The following DOCK5 variants were observed in gnomAD, a reference collection of about 807,000 sequenced individuals.
The protein encoded by DOCK5 is dedicator of cytokinesis 5.
In DOCK5, 142 loss-of-function variants were observed where a neutral mutation model predicts 251.8. That is an observed-to-expected ratio of 0.56 (90% CI 0.49 to 0.65). The LOEUF (loss-of-function observed/expected upper bound fraction) is 0.65. DOCK5 is among the 30% of genes least tolerant of loss of function. The pLI, the probability that DOCK5 is intolerant of heterozygous loss-of-function variation, is 0.00. For synonymous variants in DOCK5, 842 were observed against 835.5 expected, an observed-to-expected ratio of 1.01 and a Z score of -0.13; for missense variants, 2,111 against 2,312.3, an observed-to-expected ratio of 0.91 and a Z score of 1.79.
intron 22 of DOCK5, among the ~76,000 whole-genome samples, chr8:25,338,581 A>G (rs948719435): frequency 6.6e-6 from 1 of 152,184 alleles, no homozygotes; most frequent in Non-Finnish European, 1.5e-5. Flanking sequence ...GGAAGTGGGC[A>G]GTGTTTTCCC....
chr8:25,270,663 C>T, intron 3 of DOCK5: 1 of 419,598 alleles, frequency 2.4e-6, no homozygotes, highest in Non-Finnish European at 4.3e-6. Context: ...TTACGTTCAA[C>T]CAAGGTCCTA....
intron 9 of DOCK5, 83 bp from the exon 10 acceptor site, chr8:25,302,242 G>T: frequency 6.8e-6 from 10 of 1,468,590 alleles, no homozygotes; most frequent in Admixed American, 2.5e-5. Context: ...ACAGGATTTT[G>T]TTGTAGAGGG....
At chr8:25,373,729 A>C in intron 36 of DOCK5, 71 bp downstream of exon 36, 1 of 1,431,290 alleles carries the variant, frequency 7.0e-7, no homozygotes, top group Non-Finnish European at 9.6e-7. Context: ...TCAGTAAACA[A>C]ATACTTTCCC....
intron 2 of DOCK5, among the ~76,000 whole-genome samples, chr8:25,258,930 C>A (rs904737335): frequency 6.6e-6 from 1 of 152,054 alleles, no homozygotes; most frequent in Non-Finnish European, 1.5e-5. Flanking sequence ...ACCAGCCTGG[C>A]CAATATGGTG....
intron 36 of DOCK5, among the ~76,000 whole-genome samples, chr8:25,374,002 C>T (rs988757845): frequency 3.9e-5 from 6 of 152,150 alleles, no homozygotes; most frequent in Admixed American, 2.0e-4. Flanking sequence ...CAAACTTGTA[C>T]GTAACCAACG....
intron 18 of DOCK5, among the ~76,000 whole-genome samples, chr8:25,328,959 T>C (rs753411164): frequency 1.9e-4 from 29 of 152,204 alleles, no homozygotes; most frequent in Admixed American, 9.8e-4. Flanking sequence ...AGCTCCTAAG[T>C]CGTGGACTTG....
chr8:25,375,302 A>G (rs1268928927), intron 37 of DOCK5: 2 of 156,952 alleles, frequency 1.3e-5, no homozygotes, highest in African/African-American at 2.4e-5. Context: ...AGTCATCTTC[A>G]ATTTCTCTCT....
chr8:25,214,763 C>T (rs1405835381), intron 1 of DOCK5, among the ~76,000 whole-genome samples: 4 of 152,118 alleles, frequency 2.6e-5, no homozygotes, highest in African/African-American at 9.7e-5. Flanking sequence ...TTTATCATTG[C>T]GAAAGGGGAC....
At chr8:25,247,414 T>C (rs1171832733) in intron 2 of DOCK5, among the ~76,000 whole-genome samples, 1 of 151,414 alleles carries the variant, frequency 6.6e-6, no homozygotes, top group Admixed American at 6.6e-5. Context: ...CTGGGCAACA[T>C]AGTGAGACCT....
chr8:25,325,423 G>A lies in DOCK5; in HGVS notation c.1779G>A (p.Met593Ile), dbSNP rs916065181. The A allele has an allele frequency of 9.3e-6, 15 of 1,613,838 alleles. No homozygotes were observed. Among genetic ancestry groups the A allele is most frequent in the Non-Finnish European group, 1.3e-5 (15 of 1,179,866 alleles). ...ACCTGACCCTGCCTGGAACCAAGAT[G>A]GAGATGGAAGAAAAAGAGCTTCAAG... ...KFYLTLPGTK[M>I]EMEEKELQAS... is the part of the protein sequence containing the mutation. Residue 593 changes from methionine to isoleucine, a missense_variant, in exon 18 of 52, where the codon ATG (methionine) becomes ATA (isoleucine). Met to Ile is a conservative substitution (Grantham distance 10). Around this residue, in one of 3 missense-constraint regions of DOCK5, gnomAD observed 1,717 missense variants for 1,892.4 expected, o/e 0.91. Coordinates refer to ENST00000276440, the MANE Select transcript of DOCK5 (RefSeq NM_024940.8).
chr8:25,406,324 A>G (rs1197616248), intron 48 of DOCK5, among the ~76,000 whole-genome samples: 1 of 152,200 alleles, frequency 6.6e-6, no homozygotes, highest in Non-Finnish European at 1.5e-5. Context: ...GCTTAATTTA[A>G]TATAGGTGAT....
rs146984524 is a variant in DOCK5, at chr8:25,336,472, A to G, written c.2327+99A>G. On this transcript the variant is annotated intron_variant, in intron 22 of 51. Transcript: ENST00000276440. The stretch of plus-strand genomic sequence containing the variant: ...GTGGTGTTCAGCTCTGTGAGCAGTT[A>G]GTTCTTAGAATTGCCTTATTTCAGA... 3 of 1,434,814 alleles carry G rather than the reference A, an allele frequency of 2.1e-6. No homozygotes were observed. The Admixed American group carries it at 6.0e-5, about 29-fold the overall frequency. 88.9% of individuals were successfully genotyped at this position (1,434,814 alleles called of 1,614,324 possible).
chr8:25,411,239 C>G lies in DOCK5; in HGVS notation c.5554C>G (p.Pro1852Ala), dbSNP rs746172574. 109 of 1,591,920 alleles carry G rather than the reference C, an allele frequency of 6.8e-5. No individual in the cohort carries two copies. The highest frequency in any genetic ancestry group is 9.2e-5 in the Non-Finnish European group (108 of 1,170,982). Residue 1852 changes from proline to alanine, a missense_variant, in exon 52 of 52, where the codon CCT becomes GCT. Coordinates refer to ENST00000276440, the MANE Select transcript of DOCK5 (RefSeq NM_024940.8). ...CCGAAGAGAAGCCAAAGCACCACCCCCTCCACCTCCAAAGGCTCGGAAGTC... is the reference window on the plus strand; with the variant it reads ...CCGAAGAGAAGCCAAAGCACCACCCGCTCCACCTCCAAAGGCTCGGAAGTC... ...PVRREAKAPP[P>A]PPPKARKSGI...
chr8:25,320,876 A>C (rs1805405964), intron 15 of DOCK5, 104 bp from the exon 16 acceptor site: 3 of 959,334 alleles, frequency 3.1e-6, no homozygotes, highest in Non-Finnish European at 4.8e-6. Context: ...CTCTCTAGTA[A>C]TTTGTGCTGT....
intron 44 of DOCK5, among the ~76,000 whole-genome samples, chr8:25,394,106 A>G (rs1801305498): frequency 6.6e-6 from 1 of 152,206 alleles, no homozygotes; most frequent in African/African-American, 2.4e-5. Context: ...CTGTCATCCT[A>G]GCTACTTGGG....
At chr8:25,314,203 C>T (rs1325770144) in intron 13 of DOCK5, among the ~76,000 whole-genome samples, 2 of 149,384 alleles carry the variant, frequency 1.3e-5, no homozygotes, top group East Asian at 2.0e-4. Context: ...CCTCGATCTC[C>T]GAGGCTCAAG....
intron 1 of DOCK5, among the ~76,000 whole-genome samples, chr8:25,232,527 TGTCAGGTTCTGGTGAGGGCA>T (rs1214207483): frequency 1.3e-5 from 2 of 152,176 alleles, no homozygotes; most frequent in Non-Finnish European, 1.5e-5. Context: ...GTTCCAGCAT[TGTCAGGTTCTGGTGAGGGCA>T]GTCAGGTTCT....
intron 2 of DOCK5, among the ~76,000 whole-genome samples, chr8:25,260,136 C>T (rs1330640898): frequency 6.6e-6 from 1 of 152,192 alleles, no homozygotes; most frequent in Non-Finnish European, 1.5e-5. Flanking sequence ...TCACTGGCTT[C>T]CCAAGAGACA....
intron 40 of DOCK5, among the ~76,000 whole-genome samples, chr8:25,386,854 A>G (rs1290732428): frequency 6.6e-6 from 1 of 152,188 alleles, no homozygotes; most frequent in Non-Finnish European, 1.5e-5. Flanking sequence ...TGGTGAAATC[A>G]CGTAATCACT....
Sources: gnomAD v4.1 joint callset for allele counts (sites outside exome capture counted in the v4.1 genomes callset) on GRCh38, gnomAD v4.1.1 for gene constraint, gnomAD v4.1.1 regional missense constraint, MANE v1.5 for transcripts, NCBI Gene and HGNC (gene_info 2026-07-23, HGNC 2026-07-21) for gene names.